ATP9A: variants seen among roughly 807,000 people sequenced by gnomAD.
ATP9A encodes the protein probable phospholipid-transporting ATPase IIA.
In ATP9A, 52 loss-of-function variants were observed where a neutral mutation model predicts 144.1. That is an observed-to-expected ratio of 0.36 (90% CI 0.29 to 0.45). The LOEUF (loss-of-function observed/expected upper bound fraction) is 0.45. ATP9A is among the 20% of genes least tolerant of loss of function. ATP9A has a pLI of 1.00. For synonymous variants in ATP9A, 582 were observed against 557.4 expected, an observed-to-expected ratio of 1.04 and a Z score of -0.62; for missense variants, 947 against 1,392.7, an observed-to-expected ratio of 0.68 and a Z score of 5.09.
At chr20:51,657,325 T>C (rs2077391395) in intron 13 of ATP9A, among the ~76,000 whole-genome samples, 175 bp from the exon 14 acceptor site, 1 of 151,976 alleles carries the variant, frequency 6.6e-6, no homozygotes, top group African/African-American at 2.4e-5. Flanking sequence ...GGGTTTGTCA[T>C]TTATGCTCGG....
At chr20:51,758,562 G>A (rs2077865825) in intron 1 of ATP9A, among the ~76,000 whole-genome samples, 1 of 152,166 alleles carries the variant, frequency 6.6e-6, no homozygotes, top group Non-Finnish European at 1.5e-5. Flanking sequence ...AAGGTCAAAG[G>A]GTGCCCCCAT....
intron 14 of ATP9A, among the ~76,000 whole-genome samples, chr20:51,646,891 C>A (rs150831076): frequency 6.6e-6 from 1 of 151,852 alleles, no homozygotes; most frequent in East Asian, 1.9e-4. Context: ...CTGAAGTGGG[C>A]GGATCACCTG....
At chr20:51,756,642 G>C (rs1447109049) in intron 1 of ATP9A, among the ~76,000 whole-genome samples, 1 of 152,036 alleles carries the variant, frequency 6.6e-6, no homozygotes, top group Non-Finnish European at 1.5e-5. Context: ...GGATGGAAAA[G>C]GGCCCATCCT....
intron 1 of ATP9A, among the ~76,000 whole-genome samples, chr20:51,762,184 G>A (rs1004741786): frequency 6.6e-6 from 1 of 152,110 alleles, no homozygotes; most frequent in Non-Finnish European, 1.5e-5. Context: ...GGCCAATACG[G>A]TGAAGCCCCG....
intron 24 of ATP9A, among the ~76,000 whole-genome samples, chr20:51,608,929 G>GTGTGTT: frequency 6.6e-6 from 1 of 151,086 alleles, no homozygotes; most frequent in Non-Finnish European, 1.5e-5. Flanking sequence ...AGACGTGTGT[G>GTGTGTT]TGTGTGTGTG....
chr20:51,632,244 G>C (rs1372128187), intron 15 of ATP9A, among the ~76,000 whole-genome samples: 1 of 152,090 alleles, frequency 6.6e-6, no homozygotes, highest in Non-Finnish European at 1.5e-5. Context: ...ACCATGCCCA[G>C]CTAATTTTTT....
intron 14 of ATP9A, among the ~76,000 whole-genome samples, chr20:51,652,824 C>T (rs1432001400): frequency 6.6e-6 from 1 of 152,158 alleles, no homozygotes; most frequent in African/African-American, 2.4e-5. Context: ...AAAACCACAG[C>T]AAGGCCAGTC....
chr20:51,692,537 C>T (rs1402898145), intron 7 of ATP9A, among the ~76,000 whole-genome samples: 2 of 152,082 alleles, frequency 1.3e-5, no homozygotes, highest in African/African-American at 4.8e-5. Flanking sequence ...GGTGGTGGCT[C>T]GTGCCTGTAA....
chr20:51,631,131 A>G lies in ATP9A; in HGVS notation c.1669-2059T>C, dbSNP rs577773321. On this transcript the variant is annotated intron_variant, in intron 15 of 27. Transcript: ENST00000338821. ...GGCTCCTTTGGAGGCCACTTTGTCT[A>G]TGCAGCCCTTTCATGGAACAGAAAT... Among the ~76,000 whole-genome samples the G allele has an allele frequency of 7.9e-5, 12 of 152,330 alleles. No individual in the cohort carries two copies. In the South Asian group the frequency reaches 2.3e-3, roughly 29 times the overall value.
chr20:51,677,845 A>C (rs2077483725), intron 9 of ATP9A, among the ~76,000 whole-genome samples: 1 of 152,196 alleles, frequency 6.6e-6, no homozygotes, highest in Non-Finnish European at 1.5e-5. Context: ...AATCTAGTAA[A>C]TAATCAAAAA....
At chr20:51,641,560 A>C (rs909521505) in intron 14 of ATP9A, among the ~76,000 whole-genome samples, 1 of 151,592 alleles carries the variant, frequency 6.6e-6, no homozygotes, top group African/African-American at 2.4e-5. Context: ...CACACCTGTA[A>C]TCTCAGCACT....
intron 13 of ATP9A, among the ~76,000 whole-genome samples, chr20:51,665,449 T>TG (rs2077428822): frequency 6.6e-6 from 1 of 152,152 alleles, no homozygotes; most frequent in Admixed American, 6.6e-5. Context: ...CCAGGCGTGG[T>TG]GGTTCAAGCC....
chr20:51,755,649 A>G (rs1388248460), intron 1 of ATP9A, among the ~76,000 whole-genome samples: 1 of 151,816 alleles, frequency 6.6e-6, no homozygotes, highest in Non-Finnish European at 1.5e-5. Context: ...CACATAATAC[A>G]TACTGAATGA....
chr20:51,617,420 CTG>C (rs2077207645), intron 22 of ATP9A, 68 bp downstream of exon 22: 3 of 1,471,082 alleles, frequency 2.0e-6, no homozygotes, highest in Non-Finnish European at 2.8e-6. Context: ...AGGCTTAAAG[CTG>C]TGTCTTTGAG....
chr20:51,743,460 C>G (rs1219221010), intron 1 of ATP9A, among the ~76,000 whole-genome samples: 1 of 123,022 alleles, frequency 8.1e-6, no homozygotes, highest in African/African-American at 3.2e-5. Context: ...AGTGCAGTGG[C>G]GGGATCTCGG....
chr20:51,756,287 T>TTTTC (rs1200605918), intron 1 of ATP9A, among the ~76,000 whole-genome samples: 3 of 151,464 alleles, frequency 2.0e-5, no homozygotes, highest in African/African-American at 2.4e-5. Context: ...CTTTTTTTTT[T>TTTTC]TTTCTTTCTT....
intron 15 of ATP9A, among the ~76,000 whole-genome samples, chr20:51,630,805 C>T (rs2122734866): frequency 6.6e-6 from 1 of 152,304 alleles, no homozygotes; most frequent in South Asian, 2.1e-4. Context: ...CCGTCCTTCA[C>T]ATAAGAACAT....
chr20:51,616,740 C>G (rs1160992770), intron 22 of ATP9A, among the ~76,000 whole-genome samples: 1 of 152,078 alleles, frequency 6.6e-6, no homozygotes, highest in Admixed American at 6.6e-5. Flanking sequence ...GAGAAAAAGA[C>G]AGAAAAAATA....
rs768019286 is a variant in ATP9A at position 51,608,663 on chromosome 20, A to G, written c.2637-37T>C. 5 of 1,348,630 alleles carry G rather than the reference A, an allele frequency of 3.7e-6. No homozygotes were observed. In the Admixed American group the frequency reaches 6.7e-5, roughly 18 times the overall value. The allele number at this position is 1,348,630 out of a possible 1,614,324, so 83.5% of individuals were successfully genotyped here. A position where few individuals can be genotyped will look rare whatever the true frequency, so the allele number is the denominator to read the frequency against. On this transcript the variant is annotated intron_variant, in intron 24 of 27. Transcript: ENST00000338821. Reference sequence around the variant, plus strand: ...AACCGCCATAGGTAAGACCTGGCTGACGCGATAGGAGCTATGTGCTGTGCC... The same window carrying G: ...AACCGCCATAGGTAAGACCTGGCTGGCGCGATAGGAGCTATGTGCTGTGCC...
Sources: gnomAD v4.1 joint callset for allele counts (sites outside exome capture counted in the v4.1 genomes callset) on GRCh38, gnomAD v4.1.1 for gene constraint, MANE v1.5 for transcripts, NCBI Gene and HGNC (gene_info 2026-07-23, HGNC 2026-07-21) for gene names.